LRRC3C: variants seen among roughly 807,000 people sequenced by gnomAD.
LRRC3C encodes leucine-rich repeat-containing protein 3C.
In LRRC3C, 11 loss-of-function variants were observed where a neutral mutation model predicts 14.8. The observed-to-expected ratio is 0.74, with a 90% confidence interval of 0.47 to 1.23. The LOEUF (loss-of-function observed/expected upper bound fraction) is 1.23. Among genes scored for constraint, LRRC3C ranks in the 50% most tolerant of loss-of-function variants. The pLI is 0.00. For synonymous variants in LRRC3C, 149 were observed against 161.5 expected (o/e 0.92, Z 0.59); for missense variants, 354 against 361.8 (o/e 0.98, Z 0.18).
intron 1 of LRRC3C, among the ~76,000 whole-genome samples, chr17:39,933,064 A>AAAGGAAGG (rs140683487): frequency 4.2e-4 from 63 of 149,834 alleles, no homozygotes; most frequent in African/African-American, 1.2e-3. Flanking sequence ...AAAAATAAAG[A>AAAGGAAGG]AAGGAAGGAA....
chr17:39,940,478 T>C lies in LRRC3C; in HGVS notation c.-81-965T>C, dbSNP rs368999679. On this transcript the variant is annotated intron_variant, in intron 2 of 3. Coordinates refer to ENST00000377924, the MANE Select transcript of LRRC3C (RefSeq NM_001195545.2). Reference sequence around the variant, plus strand: ...CCCAGGCTAGAGTGCAGTGGTGCAATCACAGCTCACTGCAGCCTCCACTTC... The same window carrying C: ...CCCAGGCTAGAGTGCAGTGGTGCAACCACAGCTCACTGCAGCCTCCACTTC... Among the ~76,000 whole-genome samples the C allele has an allele frequency of 9.9e-5, 15 of 152,256 alleles. No individual in the cohort carries two copies. The East Asian group carries it at 2.9e-3, about 29-fold the overall frequency.
intron 1 of LRRC3C, among the ~76,000 whole-genome samples, chr17:39,932,650 G>T (rs1231106649): frequency 6.6e-6 from 1 of 151,164 alleles, no homozygotes; most frequent in Non-Finnish European, 1.5e-5. Context: ...TGAGCCCAAG[G>T]AATTCGAGGC....
rs530567837 is a variant in LRRC3C at position 39,944,547 on chromosome 17, G to A, written c.641G>A (p.Trp214Ter). 2 of 1,518,632 alleles carry A rather than the reference G, an allele frequency of 1.3e-6. No individual in the cohort carries two copies. Among genetic ancestry groups the A allele is most frequent in the Non-Finnish European group, 1.8e-6 (2 of 1,137,138 alleles). The allele number at this position is 1,518,632 out of a possible 1,614,324, so 94.1% of individuals were successfully genotyped here. The change falls in exon 4 of 4, where the codon TGG becomes TAG. Residue 214 changes from tryptophan (W) to a stop codon, truncating the protein, a stop_gained. Transcript: ENST00000377924. LOFTEE classifies it high-confidence loss of function. ...GAGGAAGAGCTGTGTGGGTCGGGGT[G>A]GGGTGGGGCCCGGAGGAGCACCGAT... ...AGEEELCGSGWGGARRSTDVA... is the reference protein window; with the variant it reads ...AGEEELCGSG
intron 2 of LRRC3C, among the ~76,000 whole-genome samples, chr17:39,937,262 C>T (rs2144763079): frequency 6.6e-6 from 1 of 151,868 alleles, no homozygotes; most frequent in Non-Finnish European, 1.5e-5. Flanking sequence ...ATGGTGAAAC[C>T]CCGTATCTAC....
chr17:39,938,665 C>G (rs1978862299), intron 2 of LRRC3C, among the ~76,000 whole-genome samples: 1 of 151,812 alleles, frequency 6.6e-6, no homozygotes, highest in East Asian at 1.9e-4. Context: ...GTTTGCATTC[C>G]AGCCCGGGCA....
chr17:39,935,089 T>C (rs537717560), intron 1 of LRRC3C, among the ~76,000 whole-genome samples: 3 of 152,268 alleles, frequency 2.0e-5, no homozygotes, highest in South Asian at 4.1e-4. Flanking sequence ...TCCTATCTCA[T>C]CCTGTGACTT....
intron 1 of LRRC3C, among the ~76,000 whole-genome samples, chr17:39,928,571 C>T (rs1335591821): frequency 6.6e-6 from 1 of 152,200 alleles, no homozygotes; most frequent in Non-Finnish European, 1.5e-5. Context: ...CTCGGTTACT[C>T]CCATTCTCCA....
chr17:39,944,019 CA>C lies in LRRC3C; in HGVS notation c.114del (p.Gly40ValfsTer116), dbSNP rs1197945088. The C allele has an allele frequency of 2.6e-6, 4 of 1,535,998 alleles. No individual in the cohort carries two copies. Among genetic ancestry groups the C allele is most frequent in the Non-Finnish European group, 3.5e-6 (4 of 1,146,892 alleles). ...HLLPLLLVIGTGGTVPSPQVP... is the reference protein window; with the variant it reads ...HLLPLLLVIGXGGTVPSPQVP... ...CTGCCCCTCCTGCTGGTGATAGGCA[CA>C]GGGGGTACTGTGCCCAGCCCCCAGG... On this transcript the variant is annotated frameshift_variant, in exon 4 of 4. Coordinates refer to ENST00000377924, the MANE Select transcript of LRRC3C (RefSeq NM_001195545.2). LOFTEE classifies it high-confidence loss of function.
rs1230645663 is a variant in LRRC3C, at chr17:39,943,997, C to T, written c.91C>T (p.Pro31Ser). 2 of 1,536,114 alleles carry T rather than the reference C, an allele frequency of 1.3e-6. No individual in the cohort carries two copies. Among genetic ancestry groups the T allele is most frequent in the African/African-American group, 1.4e-5 (1 of 73,154 alleles). Reference protein sequence around the residue: ...AMLPTAGHLLPLLLVIGTGGT... With the variant: ...AMLPTAGHLLSLLLVIGTGGT... ...GCTCCCAACAGCAGGTCACCTCCTG[C>T]CCCTCCTGCTGGTGATAGGCACAGG... is the stretch of plus-strand genomic sequence containing the variant. Residue 31 changes from proline to serine, a missense_variant, in exon 4 of 4, where the codon CCC becomes TCC. By Grantham distance (74) the Pro-to-Ser change is moderately conservative. Coordinates refer to ENST00000377924, the MANE Select transcript of LRRC3C (RefSeq NM_001195545.2).
At chr17:39,939,253 A>C (rs914071244) in intron 2 of LRRC3C, 5 of 640,102 alleles carry the variant, frequency 7.8e-6, no homozygotes, top group Non-Finnish European at 9.7e-6. Context: ...GCCACTCCCA[A>C]AGCCATGTGT....
At chr17:39,937,633 G>A (rs969052515) in intron 2 of LRRC3C, among the ~76,000 whole-genome samples, 2 of 152,128 alleles carry the variant, frequency 1.3e-5, no homozygotes, top group Non-Finnish European at 2.9e-5. Context: ...ATGCTCCCTT[G>A]CTCTTGCACA....
chr17:39,937,917 A>T (rs1438359870), intron 2 of LRRC3C, among the ~76,000 whole-genome samples: 1 of 152,098 alleles, frequency 6.6e-6, no homozygotes, highest in Non-Finnish European at 1.5e-5. Context: ...GGATCACCTG[A>T]GGTCAAGAGT....
At chr17:39,935,685 A>G (rs981976439) in intron 1 of LRRC3C, 117 bp from the exon 2 acceptor site, 12 of 347,004 alleles carry the variant, frequency 3.5e-5, no homozygotes, top group South Asian at 1.2e-4. Context: ...TGAATCCCCA[A>G]TGCCTAAGAG....
At position 39,944,104 on chromosome 17, in the gene LRRC3C, C is replaced by A; in HGVS notation, c.198C>A (p.Ser66Arg). 6.5e-7 allele frequency: 1 copy of A among 1,536,130 alleles called. No individual in the cohort carries two copies. Among genetic ancestry groups the A allele is most frequent in the Non-Finnish European group, 8.7e-7 (1 of 1,146,906 alleles). ...CAGGTGAACGGACGTTCCGCTGCAG[C>A]CAGGCAGGCCTCAGTGCTGTGCCCT... ...KEAGERTFRC[S>R]QAGLSAVPSG... Residue 66 changes from serine to arginine, a missense_variant, in exon 4 of 4, where the codon AGC (serine) becomes AGA (arginine). Coordinates refer to ENST00000377924, the MANE Select transcript of LRRC3C (RefSeq NM_001195545.2).
intron 2 of LRRC3C, among the ~76,000 whole-genome samples, chr17:39,940,804 C>T (rs775614345): frequency 2.4e-4 from 37 of 152,150 alleles, no homozygotes; most frequent in Non-Finnish European, 4.1e-4. Context: ...TCAAGTGGCA[C>T]GACCCAGGCT....
intron 1 of LRRC3C, chr17:39,929,357 T>G (rs570901877): frequency 4.0e-4 from 61 of 152,298 alleles, no homozygotes; most frequent in African/African-American, 1.3e-3. Context: ...TATTAATAAC[T>G]CCTGTTATCG....
intron 1 of LRRC3C, chr17:39,934,469 T>G (rs932071553): frequency 1.3e-5 from 2 of 152,170 alleles, no homozygotes; most frequent in African/African-American, 4.8e-5. Context: ...GGCCAGCTCC[T>G]CCCTCAGTAA....
At position 39,943,032 on chromosome 17, in the gene LRRC3C, T is replaced by G. The variant is rs1403023599; in HGVS notation, c.27-901T>G. ...GGGAGCCTGGTGCAGGGAATGGAATTGGGTCCTGGTCTCCCCACAACAGAG... is the reference window on the plus strand; with the variant it reads ...GGGAGCCTGGTGCAGGGAATGGAATGGGGTCCTGGTCTCCCCACAACAGAG... On this transcript the variant is annotated intron_variant, in intron 3 of 3. Coordinates refer to ENST00000377924, the MANE Select transcript of LRRC3C (RefSeq NM_001195545.2). 2.0e-5 allele frequency among the ~76,000 whole-genome samples: 3 copies of G among 152,222 alleles called. No homozygotes were observed. The East Asian group carries it at 5.8e-4, about 29-fold the overall frequency.
At chr17:39,941,420 C>CA in intron 2 of LRRC3C, 23 bp from the exon 3 acceptor site, 1 of 815,898 alleles carries the variant, frequency 1.2e-6, no homozygotes, top group Non-Finnish European at 2.0e-6. Flanking sequence ...CCCACACACA[C>CA]CCCATTTTTA....
Sources: allele counts gnomAD v4.1 joint callset (sites outside exome capture counted in the v4.1 genomes callset), GRCh38; gene constraint gnomAD v4.1.1; transcripts MANE v1.5; gene names NCBI Gene and HGNC (gene_info 2026-07-23, HGNC 2026-07-21).